The following GALNT2 variants were observed in gnomAD, a reference collection of about 807,000 sequenced individuals.
GALNT2 encodes polypeptide N-acetylgalactosaminyltransferase 2.
A neutral mutation model predicts 81.4 loss-of-function variants in GALNT2; 31 were observed. The observed-to-expected ratio is 0.38, with a 90% confidence interval of 0.29 to 0.51. The LOEUF (loss-of-function observed/expected upper bound fraction) is 0.51, where lower values mean the gene tolerates loss of function less well. Ranked by LOEUF, GALNT2 falls within the 20% of genes least tolerant of loss-of-function variation. The probability of loss-of-function intolerance (pLI) is 0.87; values close to 1 mark genes in which losing one functional copy is unlikely to be tolerated. For synonymous variants in GALNT2, 303 were observed against 287.4 expected (o/e 1.05, Z -0.55); for missense variants, 629 against 765.7 (o/e 0.82, Z 2.11).
rs1461894045 is a variant in GALNT2 at position 230,236,210 on chromosome 1, G to T, written c.473+98G>T. The T allele has an allele frequency of 3.6e-6, 5 of 1,397,610 alleles. No homozygotes were observed. The Admixed American group carries it at 9.1e-5, about 25-fold the overall frequency. The allele number at this position is 1,397,610 out of a possible 1,614,324, so 86.6% of individuals were successfully genotyped here. A position where few individuals can be genotyped will look rare whatever the true frequency, so the allele number is the denominator to read the frequency against. Reference sequence around the variant, plus strand: ...GGCTGTCAGTGGGGGCTGCAGACAGGGTCTCCTGACTGCTCAGCACAGGGT... The same window carrying T: ...GGCTGTCAGTGGGGGCTGCAGACAGTGTCTCCTGACTGCTCAGCACAGGGT... On this transcript the variant is annotated intron_variant, in intron 4 of 15. Transcript: ENST00000366672.
chr1:230,233,235 C>G (rs1358717897), intron 3 of GALNT2, among the ~76,000 whole-genome samples: 3 of 152,306 alleles, frequency 2.0e-5, no homozygotes, highest in East Asian at 3.9e-4. Context: ...TCTCCTTCGT[C>G]CACTGATTTC....
At chr1:230,177,197 C>T (rs1365994654) in intron 1 of GALNT2, among the ~76,000 whole-genome samples, 4 of 152,268 alleles carry the variant, frequency 2.6e-5, no homozygotes, top group Admixed American at 1.3e-4. Context: ...TCTCACTTTA[C>T]GTTTTAAGTA....
intron 2 of GALNT2, among the ~76,000 whole-genome samples, chr1:230,178,667 C>G (rs1475262014): frequency 6.6e-6 from 1 of 151,908 alleles, no homozygotes; most frequent in Non-Finnish European, 1.5e-5. Flanking sequence ...TCCTGTATAC[C>G]TCCTGCACCC....
At chr1:230,134,588 G>C (rs758018337) in intron 1 of GALNT2, among the ~76,000 whole-genome samples, 1 of 152,120 alleles carries the variant, frequency 6.6e-6, no homozygotes, top group Admixed American at 6.5e-5. Context: ...CCAGGAGGAG[G>C]GTATCCAACC....
At chr1:230,254,634 G>A (rs1252871792) in intron 10 of GALNT2, among the ~76,000 whole-genome samples, 1 of 152,174 alleles carries the variant, frequency 6.6e-6, no homozygotes, top group African/African-American at 2.4e-5. Context: ...TTTTTCCCTG[G>A]ATGAGAAAAG....
intron 1 of GALNT2, among the ~76,000 whole-genome samples, chr1:230,058,973 A>C (rs1157509449): frequency 6.6e-6 from 1 of 152,192 alleles, no homozygotes; most frequent in Non-Finnish European, 1.5e-5. Context: ...ATGTGCTTTC[A>C]GTTTGGTGGG....
intron 1 of GALNT2, among the ~76,000 whole-genome samples, chr1:230,090,519 T>G (rs1660038942): frequency 6.6e-6 from 1 of 150,844 alleles, no homozygotes; most frequent in Non-Finnish European, 1.5e-5. Flanking sequence ...CGGTTGTGTG[T>G]GTGGAGGTGA....
intron 1 of GALNT2, among the ~76,000 whole-genome samples, chr1:230,163,354 GC>G (rs1165405620): frequency 6.6e-6 from 1 of 152,222 alleles, no homozygotes; most frequent in African/African-American, 2.4e-5. Context: ...GGAAAGATGA[GC>G]AGTGACTGTT....
At chr1:230,187,913 T>A (rs1272385710) in intron 2 of GALNT2, among the ~76,000 whole-genome samples, 13 of 147,712 alleles carry the variant, frequency 8.8e-5, no homozygotes, top group African/African-American at 2.3e-4. Flanking sequence ...GCTTTGCTGG[T>A]AGGGCCTGGG....
At chr1:230,140,545 G>A (rs565085729) in intron 1 of GALNT2, among the ~76,000 whole-genome samples, 2 of 152,278 alleles carry the variant, frequency 1.3e-5, no homozygotes, top group African/African-American at 2.4e-5. Context: ...CCTCGGAACC[G>A]GGAGTACTGT....
chr1:230,227,479 T>C (rs549161505), intron 3 of GALNT2, among the ~76,000 whole-genome samples: 2 of 150,046 alleles, frequency 1.3e-5, no homozygotes, highest in South Asian at 4.2e-4. Flanking sequence ...ATATATGCTA[T>C]ATAATATAGC....
chr1:230,180,876 G>T (rs1320429251), intron 2 of GALNT2, among the ~76,000 whole-genome samples: 1 of 152,022 alleles, frequency 6.6e-6, no homozygotes, highest in Non-Finnish European at 1.5e-5. Flanking sequence ...TAATGTAAAT[G>T]GTCTTGTGAT....
intron 15 of GALNT2, among the ~76,000 whole-genome samples, chr1:230,276,157 A>G (rs1376447272): frequency 6.6e-6 from 1 of 152,028 alleles, no homozygotes; most frequent in Admixed American, 6.6e-5. Context: ...CCACATATAT[A>G]TACATATATA....
At chr1:230,138,712 C>T (rs1355699068) in intron 1 of GALNT2, among the ~76,000 whole-genome samples, 2 of 152,104 alleles carry the variant, frequency 1.3e-5, no homozygotes, top group East Asian at 3.9e-4. Context: ...GTTCCTCCCT[C>T]TTTTAGACCA....
chr1:230,203,349 T>C, intron 3 of GALNT2, 59 bp downstream of exon 3: 1 of 1,576,192 alleles, frequency 6.3e-7, no homozygotes. Flanking sequence ...AACCAGTACG[T>C]CGCTTTCACC....
chr1:230,168,010 A>G (rs1662668933), intron 1 of GALNT2, among the ~76,000 whole-genome samples: 1 of 151,922 alleles, frequency 6.6e-6, no homozygotes, highest in Non-Finnish European at 1.5e-5. Flanking sequence ...AGTGTGCAGA[A>G]ATTCTTCATT....
intron 1 of GALNT2, among the ~76,000 whole-genome samples, chr1:230,110,044 C>T (rs543025532): frequency 1.3e-5 from 2 of 152,294 alleles, no homozygotes; most frequent in South Asian, 2.1e-4. Context: ...GGAGCCACGG[C>T]GTCCTGGCAG....
chr1:230,159,148 C>T lies in GALNT2; in HGVS notation c.127-19070C>T, dbSNP rs981147893. 5.9e-5 allele frequency among the ~76,000 whole-genome samples: 9 copies of T among 152,268 alleles called. No individual in the cohort carries two copies. The Middle Eastern group carries it at 0.014, about 230-fold the overall frequency. ...AAACATTCCTTTGAGTTTACCCAGC[C>T]GTGGGAAAGGACGCTGTACCCCTGC... is the stretch of plus-strand genomic sequence containing the variant. On this transcript the variant is annotated intron_variant, in intron 1 of 15. Coordinates refer to ENST00000366672, the MANE Select transcript of GALNT2 (RefSeq NM_004481.5).
intron 1 of GALNT2, among the ~76,000 whole-genome samples, chr1:230,061,192 ATGTGTGTGTGTG>A (rs58105454): frequency 2.0e-5 from 3 of 148,834 alleles, no homozygotes; most frequent in Non-Finnish European, 4.5e-5. Context: ...ATGAGCATAG[ATGTGTGTGTGTG>A]TGTGTGTGTG....
Sources: allele counts gnomAD v4.1 joint callset (sites outside exome capture counted in the v4.1 genomes callset), GRCh38; gene constraint gnomAD v4.1.1; transcripts MANE v1.5; gene names NCBI Gene and HGNC (gene_info 2026-07-23, HGNC 2026-07-21).